Variants in DLGAP1 observed in about 807,000 individuals in gnomAD.
DLGAP1 encodes the protein disks large-associated protein 1.
DLGAP1 carries 11 observed loss-of-function variants against 90.8 expected under a neutral mutation model. That is an observed-to-expected ratio of 0.12 (90% CI 0.08 to 0.20). The LOEUF is 0.20. Among genes scored for constraint, DLGAP1 ranks in the 10% least tolerant of loss-of-function variants. DLGAP1 has a pLI of 1.00. For missense variants in DLGAP1, 1,050 were observed against 1,333.8 expected (o/e 0.79, Z 3.31); for synonymous variants, 558 against 540.7 (o/e 1.03, Z -0.44).
At position 3,746,937 on chromosome 18, in the gene DLGAP1, A is replaced by C. The variant is rs533009632; in HGVS notation, c.1173-4425T>G. Among the ~76,000 whole-genome samples the C allele has an allele frequency of 7.9e-5, 12 of 152,372 alleles. No individual in the cohort carries two copies. The South Asian group carries it at 2.3e-3, about 29-fold the overall frequency. ...ATAACAGCCAAAAACTATTCTTAATAATACTAAACCCTGAGAATGTGATAA... is the reference window on the plus strand; with the variant it reads ...ATAACAGCCAAAAACTATTCTTAATCATACTAAACCCTGAGAATGTGATAA... On this transcript the variant is annotated intron_variant, in intron 5 of 12. Transcript: ENST00000315677.
chr18:3,527,034 C>T (rs1295787568), intron 10 of DLGAP1, among the ~76,000 whole-genome samples: 1 of 151,488 alleles, frequency 6.6e-6, no homozygotes. Context: ...AAAACAAGAA[C>T]TAAAGTCTTT....
chr18:3,572,179 A>G (rs2054844976), intron 8 of DLGAP1, among the ~76,000 whole-genome samples: 1 of 149,102 alleles, frequency 6.7e-6, no homozygotes. Context: ...CCGGGATTCA[A>G]GCGGTTCTCC....
intron 7 of DLGAP1, among the ~76,000 whole-genome samples, chr18:3,672,390 C>T (rs953819827): frequency 2.0e-5 from 3 of 151,668 alleles, no homozygotes; most frequent in African/African-American, 7.3e-5. Context: ...CCAGCCTGGG[C>T]AATATGGAGA....
chr18:4,427,343 C>T (rs1055784160), intron 1 of DLGAP1, among the ~76,000 whole-genome samples: 1 of 152,118 alleles, frequency 6.6e-6, no homozygotes, highest in Non-Finnish European at 1.5e-5. Flanking sequence ...AAGGATGGGA[C>T]TTGGAGGGAT....
chr18:4,058,593 T>G (rs749462631), intron 2 of DLGAP1, among the ~76,000 whole-genome samples: 5 of 152,180 alleles, frequency 3.3e-5, no homozygotes, highest in Non-Finnish European at 7.3e-5. Context: ...TTATGAGCAC[T>G]TACCCCAATC....
intron 5 of DLGAP1, chr18:3,771,258 GTTC>G (rs757001061): frequency 3.3e-5 from 5 of 152,306 alleles, no homozygotes; most frequent in South Asian, 2.1e-4. Flanking sequence ...ATCCGCTCTT[GTTC>G]TTCTCTCTTC....
At chr18:3,887,874 C>T (rs574793995) in intron 3 of DLGAP1, among the ~76,000 whole-genome samples, 215 of 151,936 alleles carry the variant, frequency 1.4e-3, no homozygotes, top group Non-Finnish European at 2.6e-3. Context: ...TTTGGGAGGC[C>T]GAGGTGGGCG....
intron 1 of DLGAP1, among the ~76,000 whole-genome samples, chr18:4,446,786 T>C (rs1310826064): frequency 1.3e-5 from 2 of 152,088 alleles, no homozygotes; most frequent in African/African-American, 2.4e-5. Flanking sequence ...GAAATGCCTA[T>C]TACAGAACAA....
At chr18:4,028,159 T>C (rs1371945159) in intron 2 of DLGAP1, among the ~76,000 whole-genome samples, 1 of 152,248 alleles carries the variant, frequency 6.6e-6, no homozygotes, top group African/African-American at 2.4e-5. Flanking sequence ...GAGGGGCTGT[T>C]ATTGCAAAGA....
intron 8 of DLGAP1, among the ~76,000 whole-genome samples, chr18:3,571,748 G>A (rs2145201439): frequency 1.3e-5 from 2 of 152,190 alleles, no homozygotes; most frequent in South Asian, 4.2e-4. Context: ...GGATGGTCTG[G>A]ATCTCTTGAC....
At chr18:4,309,288 A>G (rs1006936765) in intron 1 of DLGAP1, among the ~76,000 whole-genome samples, 3 of 152,204 alleles carry the variant, frequency 2.0e-5, no homozygotes, top group Non-Finnish European at 4.4e-5. Flanking sequence ...AAATGGAAAG[A>G]GCGCACATAG....
intron 1 of DLGAP1, among the ~76,000 whole-genome samples, chr18:4,315,350 T>G (rs2080500838): frequency 6.6e-6 from 1 of 152,232 alleles, no homozygotes; most frequent in African/African-American, 2.4e-5. Context: ...GGCTGCATGT[T>G]ATTATCTAGA....
chr18:4,169,710 C>A (rs576640307), intron 1 of DLGAP1, among the ~76,000 whole-genome samples: 1 of 152,186 alleles, frequency 6.6e-6, no homozygotes, highest in African/African-American at 2.4e-5. Context: ...ACATCTTTAA[C>A]GTTCTACTTG....
chr18:3,824,730 C>T lies in DLGAP1; in HGVS notation c.958-10457G>A, dbSNP rs116191978. 7.0e-3 allele frequency among the ~76,000 whole-genome samples: 1,064 copies of T among 152,288 alleles called. 12 individuals are homozygous for T. The highest frequency in any genetic ancestry group is 0.024 in the African/African-American group (1,014 of 41,550). ...ACACAACTCAGAGCCTCCTGCTTCT[C>T]GTCATCATCATCTGATTCCCACTGC... On this transcript the variant is annotated intron_variant, in intron 4 of 12. Coordinates refer to ENST00000315677, the MANE Select transcript of DLGAP1 (RefSeq NM_004746.4).
intron 2 of DLGAP1, among the ~76,000 whole-genome samples, chr18:4,146,115 G>T (rs2076581778): frequency 6.6e-6 from 1 of 152,190 alleles, no homozygotes; most frequent in Admixed American, 6.5e-5. Context: ...TGGAAAAGAA[G>T]AGTATACAGT....
At position 3,642,997 on chromosome 18, in the gene DLGAP1, T is replaced by C. The variant is rs1330137707; in HGVS notation, c.1592-60749A>G. Among the ~76,000 whole-genome samples, 3 of 152,358 alleles carry C rather than the reference T, an allele frequency of 2.0e-5. No homozygotes were observed. In the Middle Eastern group the frequency reaches 0.01, roughly 518 times the overall value. On this transcript the variant is annotated intron_variant, in intron 7 of 12. Coordinates refer to ENST00000315677, the MANE Select transcript of DLGAP1 (RefSeq NM_004746.4). ...TATGAAACAACTAGACTCAAGTTAT[T>C]CATTGTGGCATTATTTGCTATAGCA... is the stretch of plus-strand genomic sequence containing the variant.
chr18:3,806,502 C>T (rs999421519), intron 5 of DLGAP1, among the ~76,000 whole-genome samples: 5 of 152,100 alleles, frequency 3.3e-5, no homozygotes, highest in African/African-American at 1.2e-4. Flanking sequence ...ATGATGGACA[C>T]AGTACTTAAA....
Position 4,451,727 on chromosome 18 carries a change from T to C in DLGAP1, c.-267+3279A>G, listed in dbSNP as rs540883264. On this transcript the variant is annotated intron_variant, in intron 1 of 12. Coordinates refer to ENST00000315677, the MANE Select transcript of DLGAP1 (RefSeq NM_004746.4). ...AATAGAGAACTAGTAGCACTTAGGATCTTAGGAAATAAAACAGCTCAAGAT... is the reference window on the plus strand; with the variant it reads ...AATAGAGAACTAGTAGCACTTAGGACCTTAGGAAATAAAACAGCTCAAGAT... 7.2e-5 allele frequency among the ~76,000 whole-genome samples: 11 copies of C among 152,286 alleles called. No individual in the cohort carries two copies. In the East Asian group the frequency reaches 2.1e-3, roughly 29 times the overall value.
intron 3 of DLGAP1, among the ~76,000 whole-genome samples, chr18:3,935,075 C>T (rs542990109): frequency 4.7e-4 from 72 of 152,340 alleles, no homozygotes; most frequent in Non-Finnish European, 7.8e-4. Flanking sequence ...GAAAAGAATA[C>T]ATACTGGCCT....
Sources: allele counts gnomAD v4.1 joint callset (sites outside exome capture counted in the v4.1 genomes callset), GRCh38; gene constraint gnomAD v4.1.1; transcripts MANE v1.5; gene names NCBI Gene and HGNC (gene_info 2026-07-23, HGNC 2026-07-21).